The following NGEF variants were observed in gnomAD, a reference collection of about 807,000 sequenced individuals.
NGEF encodes the protein ephexin-1.
NGEF carries 31 observed loss-of-function variants against 80.9 expected under a neutral mutation model. That is an observed-to-expected ratio of 0.38 (90% confidence interval 0.29 to 0.52). NGEF has a LOEUF of 0.52. Ranked by LOEUF, NGEF falls within the 20% of genes least tolerant of loss-of-function variation. The pLI, the probability that NGEF is intolerant of heterozygous loss-of-function variation, is 0.84. For synonymous variants in NGEF, 371 were observed against 370.2 expected (o/e 1.00, Z -0.03); for missense variants, 709 against 926.2 (o/e 0.77, Z 3.04).
intron 1 of NGEF, among the ~76,000 whole-genome samples, chr2:232,977,480 A>C (rs6718812): frequency 0.59 from 89,603 of 151,966 alleles, 27,446 homozygotes; most frequent in African/African-American, 0.73. Flanking sequence ...TTGAGGTTTT[A>C]GAGTTCAGTG....
rs1163657572 is a variant in NGEF at position 232,878,909 on chromosome 2, G to A, written c.*580C>T. 3.9e-5 allele frequency: 6 copies of A among 152,728 alleles called. No homozygotes were observed. Among genetic ancestry groups the A allele is most frequent in the Non-Finnish European group, 7.3e-5 (5 of 68,160 alleles). The allele number at this position is 152,728 out of a possible 1,614,324, so 9.5% of individuals were successfully genotyped here. A position where few individuals can be genotyped will look rare whatever the true frequency, so the allele number is the denominator to read the frequency against. On this transcript the variant is annotated 3_prime_UTR_variant, in exon 15 of 15. Transcript: ENST00000264051. The stretch of plus-strand genomic sequence containing the variant: ...CCAAGCTCTGGCAGGCCTGCCATGG[G>A]GCAGGGCCTGACCGTGCAGCCAGAG...
intron 3 of NGEF, among the ~76,000 whole-genome samples, chr2:232,956,977 GA>G (rs1028381218): frequency 1.6e-4 from 25 of 151,898 alleles, no homozygotes; most frequent in African/African-American, 5.8e-4. Context: ...ATTAAAGGGG[GA>G]AAAAAGATTT....
intron 5 of NGEF, among the ~76,000 whole-genome samples, chr2:232,910,149 G>A (rs1692661169): frequency 6.6e-6 from 1 of 151,948 alleles, no homozygotes; most frequent in Non-Finnish European, 1.5e-5. Context: ...GTGGGTAGTG[G>A]CCAACGATGC....
chr2:232,956,223 C>G (rs191803762), intron 3 of NGEF, among the ~76,000 whole-genome samples: 121 of 152,192 alleles, frequency 8.0e-4, no homozygotes, highest in African/African-American at 2.8e-3. Context: ...CCTGAAGGGA[C>G]CTGGCTGGGC....
intron 10 of NGEF, 52 bp downstream of exon 10, chr2:232,885,228 G>C: frequency 6.5e-7 from 1 of 1,539,878 alleles, no homozygotes; most frequent in Non-Finnish European, 8.9e-7. Context: ...CTCTGGGGCG[G>C]GGCCAGGGGC....
intron 1 of NGEF, among the ~76,000 whole-genome samples, chr2:233,002,984 G>A (rs559285517): frequency 4.6e-5 from 7 of 152,306 alleles, no homozygotes; most frequent in South Asian, 2.1e-4. Context: ...GCACATCTCC[G>A]GAAAGGGGGT....
chr2:232,988,501 G>T (rs1297181061), intron 1 of NGEF, among the ~76,000 whole-genome samples: 1 of 152,222 alleles, frequency 6.6e-6, no homozygotes, highest in African/African-American at 2.4e-5. Flanking sequence ...AGGGCAGCAG[G>T]CAGCCGCCAT....
At position 232,920,398 on chromosome 2, in the gene NGEF, C is replaced by T; in HGVS notation, c.714G>A (p.Gln238=). 5 of 1,614,088 alleles carry T rather than the reference C, an allele frequency of 3.1e-6. No individual in the cohort carries two copies. Among genetic ancestry groups the T allele is most frequent in the Non-Finnish European group, 4.2e-6 (5 of 1,179,998 alleles). Residue 238 remains glutamine (Q), a synonymous_variant, in exon 5 of 15, where the codon CAG becomes CAA. Transcript: ENST00000264051. ...ASPPERKTLP[Q]ICLLSNPHSR... ...AGTGGGGGTTACTGAGCAGGCAGATCTGGGGCAGAGTCTTCCTCTCTGGTG... is the reference window on the plus strand; with the variant it reads ...AGTGGGGGTTACTGAGCAGGCAGATTTGGGGCAGAGTCTTCCTCTCTGGTG...
intron 3 of NGEF, among the ~76,000 whole-genome samples, chr2:232,962,905 T>C (rs1422417451): frequency 6.6e-6 from 1 of 151,962 alleles, no homozygotes; most frequent in East Asian, 1.9e-4. Context: ...GTATACAATA[T>C]GTTGTTTTGA....
intron 5 of NGEF, among the ~76,000 whole-genome samples, chr2:232,900,711 C>CTT (rs1692319635): frequency 2.1e-5 from 3 of 144,906 alleles, no homozygotes; most frequent in Admixed American, 2.0e-4. Flanking sequence ...CTCACATTCA[C>CTT]ACACACGCTC....
chr2:232,996,143 C>T (rs116127194), intron 1 of NGEF, among the ~76,000 whole-genome samples: 3 of 152,056 alleles, frequency 2.0e-5, no homozygotes, highest in Non-Finnish European at 4.4e-5. Flanking sequence ...GCCTGGCCAA[C>T]GTGGCAAAAC....
intron 5 of NGEF, among the ~76,000 whole-genome samples, chr2:232,906,607 A>G (rs1420714524): frequency 1.9e-5 from 1 of 52,860 alleles, no homozygotes; most frequent in African/African-American, 6.2e-5. Flanking sequence ...GGAAGTGAGG[A>G]GCCCCTCTGC....
At chr2:232,893,139 G>T in intron 6 of NGEF, 89 bp from the exon 7 acceptor site, 1 of 1,346,450 alleles carries the variant, frequency 7.4e-7, no homozygotes. Flanking sequence ...GCCTGACTTG[G>T]ACATTGGACA....
intron 3 of NGEF, among the ~76,000 whole-genome samples, chr2:232,952,761 A>G (rs1269533024): frequency 1.4e-5 from 2 of 148,124 alleles, no homozygotes; most frequent in African/African-American, 2.5e-5. Context: ...TGAGGTCAGG[A>G]GTTCGAGACC....
intron 1 of NGEF, among the ~76,000 whole-genome samples, chr2:232,979,962 G>C (rs1353504792): frequency 6.6e-6 from 1 of 152,054 alleles, no homozygotes; most frequent in Non-Finnish European, 1.5e-5. Flanking sequence ...AGATGAGGCA[G>C]CTGCCACTCT....
chr2:232,896,424 G>A (rs1013343577), intron 5 of NGEF, among the ~76,000 whole-genome samples: 44 of 151,996 alleles, frequency 2.9e-4, no homozygotes, highest in African/African-American at 9.2e-4. Flanking sequence ...CAGGCTGTGG[G>A]AGAATCAATC....
chr2:232,957,060 G>A (rs1693847303), intron 3 of NGEF, among the ~76,000 whole-genome samples: 1 of 151,904 alleles, frequency 6.6e-6, no homozygotes, highest in African/African-American at 2.4e-5. Flanking sequence ...AACACAAAGG[G>A]AGAACATTTA....
At chr2:232,909,305 T>C (rs1301810963) in intron 5 of NGEF, among the ~76,000 whole-genome samples, 2 of 152,354 alleles carry the variant, frequency 1.3e-5, no homozygotes, top group East Asian at 3.9e-4. Flanking sequence ...TTTTCTCCTC[T>C]GGCCTAGCAG....
At position 232,957,787 on chromosome 2, in the gene NGEF, C is replaced by A. The variant is rs79129149; in HGVS notation, c.383+12427G>T. ...GGGGAGGGAGAGCTGGGACTGTGTC[C>A]TCCTCCAGTGTCACACCTAGAACCA... On this transcript the variant is annotated intron_variant, in intron 3 of 14. Coordinates refer to ENST00000264051, the MANE Select transcript of NGEF (RefSeq NM_019850.3). Among the ~76,000 whole-genome samples the A allele has an allele frequency of 2.2e-3, 342 of 152,330 alleles. 3 individuals carry two copies. The highest frequency in any genetic ancestry group is 4.0e-3 in the Non-Finnish European group (275 of 68,032).
Sources: allele counts gnomAD v4.1 joint callset (sites outside exome capture counted in the v4.1 genomes callset), GRCh38; gene constraint gnomAD v4.1.1; transcripts MANE v1.5; gene names NCBI Gene and HGNC (gene_info 2026-07-23, HGNC 2026-07-21).